The following GALNT7 variants were observed in gnomAD, a reference collection of about 807,000 sequenced individuals.
GALNT7 encodes the protein polypeptide N-acetylgalactosaminyltransferase 7, also known as N-acetylgalactosaminyltransferase 7.
A neutral mutation model predicts 82.1 loss-of-function variants in GALNT7; 60 were observed. That is an observed-to-expected ratio of 0.73 (90% confidence interval 0.59 to 0.91). The LOEUF is 0.91. Ranked by LOEUF, GALNT7 falls within the 40% of genes least tolerant of loss-of-function variation. The pLI is 0.00. For missense variants in GALNT7, 660 were observed against 804.2 expected, an observed-to-expected ratio of 0.82 and a Z score of 2.17; for synonymous variants, 243 against 275.1, an observed-to-expected ratio of 0.88 and a Z score of 1.15.
At chr4:173,238,637 G>A (rs13111572) in intron 1 of GALNT7, among the ~76,000 whole-genome samples, 37,593 of 151,982 alleles carry the variant, frequency 0.25, 5,378 homozygotes, top group Admixed American at 0.34. Flanking sequence ...TAATATTTAT[G>A]TGTGATTTTT....
intron 1 of GALNT7, among the ~76,000 whole-genome samples, chr4:173,176,468 G>A (rs1030443672): frequency 7.2e-5 from 11 of 152,200 alleles, no homozygotes; most frequent in African/African-American, 1.4e-4. Flanking sequence ...GGGTTGGATG[G>A]TAAATTATAT....
At chr4:173,223,433 A>G (rs1015393640) in intron 1 of GALNT7, among the ~76,000 whole-genome samples, 2 of 152,054 alleles carry the variant, frequency 1.3e-5, no homozygotes, top group African/African-American at 2.4e-5. Context: ...AGCAAATCAT[A>G]CTAGCTCTTA....
At chr4:173,253,141 G>A (rs369305026) in intron 2 of GALNT7, among the ~76,000 whole-genome samples, 71 of 152,172 alleles carry the variant, frequency 4.7e-4, no homozygotes, top group African/African-American at 1.7e-3. Flanking sequence ...GGCAGAGGTT[G>A]CAGTGAGCCG....
intron 1 of GALNT7, among the ~76,000 whole-genome samples, chr4:173,217,060 A>G (rs192584741): frequency 6.6e-6 from 1 of 152,132 alleles, no homozygotes; most frequent in East Asian, 1.9e-4. Flanking sequence ...TACTTTAGAA[A>G]ATTTGATCTG....
At chr4:173,255,270 G>A (rs1371691933) in intron 2 of GALNT7, among the ~76,000 whole-genome samples, 4 of 152,056 alleles carry the variant, frequency 2.6e-5, no homozygotes, top group Non-Finnish European at 2.9e-5. Context: ...CCCTTCCCTT[G>A]GTGGAAACGT....
intron 1 of GALNT7, among the ~76,000 whole-genome samples, chr4:173,231,572 G>A (rs1162557420): frequency 6.6e-6 from 1 of 152,146 alleles, no homozygotes; most frequent in East Asian, 1.9e-4. Flanking sequence ...TATAAAATGT[G>A]AGAGTAAAAT....
intron 1 of GALNT7, among the ~76,000 whole-genome samples, chr4:173,213,650 C>G (rs1248985625): frequency 6.6e-6 from 1 of 151,922 alleles, no homozygotes; most frequent in Non-Finnish European, 1.5e-5. Context: ...GATTTGATAA[C>G]TATATAGTGA....
chr4:173,189,333 A>T (rs1393635017), intron 1 of GALNT7, among the ~76,000 whole-genome samples: 1 of 152,224 alleles, frequency 6.6e-6, no homozygotes, highest in Non-Finnish European at 1.5e-5. Flanking sequence ...ATGTTTAGGA[A>T]TTTCTTTTAT....
chr4:173,267,001 C>A (rs71609817), intron 2 of GALNT7, among the ~76,000 whole-genome samples: 1,949 of 150,646 alleles, frequency 0.013, 20 homozygotes, highest in Non-Finnish European at 0.021. Flanking sequence ...GGAATAAGTT[C>A]TAATGGTCAA....
intron 1 of GALNT7, among the ~76,000 whole-genome samples, chr4:173,212,520 A>C (rs1474846806): frequency 6.6e-6 from 1 of 152,166 alleles, no homozygotes; most frequent in Non-Finnish European, 1.5e-5. Flanking sequence ...GTCTTTTTAC[A>C]AATGGAAAAT....
At chr4:173,227,091 A>G (rs1733857380) in intron 1 of GALNT7, among the ~76,000 whole-genome samples, 1 of 152,176 alleles carries the variant, frequency 6.6e-6, no homozygotes, top group Admixed American at 6.5e-5. Flanking sequence ...AAAATAACCT[A>G]AAAATTAGTC....
At chr4:173,319,784 A>G (rs1480349179) in intron 11 of GALNT7, among the ~76,000 whole-genome samples, 6 of 152,172 alleles carry the variant, frequency 3.9e-5, no homozygotes, top group Non-Finnish European at 8.8e-5. Context: ...AAAGCACGCT[A>G]TTATATAATG....
chr4:173,248,146 A>C lies in GALNT7; in HGVS notation c.293A>C (p.His98Pro). Reference protein sequence around the residue: ...INKAKNEQEHHAGGDSQKDIM... With the variant: ...INKAKNEQEHPAGGDSQKDIM... ...AAGGCCAAAAATGAACAAGAGCACC[A>C]TGCTGGAGGAGATTCCCAGAAAGAT... The change falls in exon 2 of 12, where the codon CAT (histidine) becomes CCT (proline). Residue 98 changes from histidine (H) to proline (P), a missense_variant. By Grantham distance (77) the His-to-Pro change is moderately conservative. This residue lies in a region of GALNT7 where 133 missense variants were observed against 120.7 expected (regional missense o/e 1.10). Transcript: ENST00000265000. 1 of 1,613,966 alleles carries C rather than the reference A, an allele frequency of 6.2e-7. No individual in the cohort carries two copies. The highest frequency in any genetic ancestry group is 8.5e-7 in the Non-Finnish European group (1 of 1,179,914).
intron 2 of GALNT7, among the ~76,000 whole-genome samples, chr4:173,279,071 C>T (rs1188416597): frequency 6.6e-6 from 1 of 152,108 alleles, no homozygotes; most frequent in African/African-American, 2.4e-5. Flanking sequence ...TTAACAGTGA[C>T]GTATTAGGCC....
chr4:173,277,599 T>C (rs1017435584), intron 2 of GALNT7, among the ~76,000 whole-genome samples: 18 of 152,148 alleles, frequency 1.2e-4, no homozygotes, highest in African/African-American at 4.3e-4. Flanking sequence ...AGGAGATTCT[T>C]AGAGAAGGGG....
chr4:173,268,511 G>A (rs1271188960), intron 2 of GALNT7, among the ~76,000 whole-genome samples: 1 of 141,232 alleles, frequency 7.1e-6, no homozygotes, highest in East Asian at 2.2e-4. Flanking sequence ...CTGCAAATAG[G>A]ACACTTGTTT....
chr4:173,270,823 C>T (rs1561183386), intron 2 of GALNT7, among the ~76,000 whole-genome samples: 1 of 152,200 alleles, frequency 6.6e-6, no homozygotes, highest in African/African-American at 2.4e-5. Flanking sequence ...CGCTTAAGCA[C>T]ATTTATCTTT....
intron 5 of GALNT7, among the ~76,000 whole-genome samples, 191 bp downstream of exon 5, chr4:173,296,034 TG>T (rs1436672249): frequency 2.0e-5 from 3 of 152,338 alleles, no homozygotes; most frequent in Non-Finnish European, 4.4e-5. Flanking sequence ...GTAGGCAGTC[TG>T]GCATTTGGGA....
At chr4:173,213,716 C>T (rs1391864024) in intron 1 of GALNT7, among the ~76,000 whole-genome samples, 2 of 152,084 alleles carry the variant, frequency 1.3e-5, no homozygotes, top group Non-Finnish European at 2.9e-5. Flanking sequence ...ATAAAATTCA[C>T]TCTTATGAAA....
Sources: gnomAD v4.1 joint callset for allele counts (sites outside exome capture counted in the v4.1 genomes callset) on GRCh38, gnomAD v4.1.1 for gene constraint, gnomAD v4.1.1 regional missense constraint, MANE v1.5 for transcripts, NCBI Gene and HGNC (gene_info 2026-07-23, HGNC 2026-07-21) for gene names.